ELP4: variants seen among roughly 807,000 people sequenced by gnomAD.
ELP4 encodes the protein elongator complex protein 4.
In ELP4, 51 loss-of-function variants were observed where a neutral mutation model predicts 48.9. The observed-to-expected ratio is 1.04, with a 90% CI of 0.83 to 1.32. ELP4 has a LOEUF of 1.32. Ranked by LOEUF, ELP4 falls within the 40% of genes most tolerant of loss-of-function variation. The pLI, the probability that ELP4 is intolerant of heterozygous loss-of-function variation, is 0.00. For missense variants in ELP4, 519 were observed against 514.6 expected (o/e 1.01, Z -0.08); for synonymous variants, 210 against 189.2 (o/e 1.11, Z -0.90).
intron 9 of ELP4, among the ~76,000 whole-genome samples, chr11:31,700,180 TA>T (rs1946491675): frequency 6.6e-6 from 1 of 151,948 alleles, no homozygotes; most frequent in African/African-American, 2.4e-5. Flanking sequence ...CAGAAAAGAC[TA>T]ATTATGGGTA....
chr11:31,623,385 ATATAT>A (rs879532775), intron 5 of ELP4, among the ~76,000 whole-genome samples: 10,694 of 99,480 alleles, frequency 0.11, 1,236 homozygotes, highest in Non-Finnish European at 0.16. Context: ...ATATATATAT[ATATAT>A]AAAACTAGAA....
intron 5 of ELP4, among the ~76,000 whole-genome samples, chr11:31,612,110 G>A (rs1170194364): frequency 1.3e-5 from 2 of 152,194 alleles, no homozygotes; most frequent in African/African-American, 4.8e-5. Context: ...GTGAGTTCAG[G>A]TGGCAAAGAA....
Position 31,623,382 on chromosome 11 carries a change from T to TAA in ELP4, c.654-3727_654-3726insAA, listed in dbSNP as rs1565084252. Among the ~76,000 whole-genome samples the TAA allele has an allele frequency of 4.3e-3, 398 of 92,020 alleles. 26 individuals are homozygous for TAA. The highest frequency in any genetic ancestry group is 9.6e-3 in the African/African-American group (262 of 27,270). The allele number at this position is 92,020 out of a possible 152,430, so 60.4% of individuals were successfully genotyped here. ...ATATATATATATATATATATATATATATATATATAAAACTAGAAACATTGC... is the reference window on the plus strand; with the variant it reads ...ATATATATATATATATATATATATATAAATATATATAAAACTAGAAACATTGC... On this transcript the variant is annotated intron_variant, in intron 5 of 9. Coordinates refer to ENST00000640961, the MANE Select transcript of ELP4 (RefSeq NM_019040.5).
intron 3 of ELP4, among the ~76,000 whole-genome samples, chr11:31,573,918 A>G (rs973352669): frequency 3.3e-5 from 5 of 152,048 alleles, no homozygotes; most frequent in African/African-American, 1.2e-4. Flanking sequence ...TTCTCCAAAT[A>G]CCATCTCATT....
chr11:31,509,967 G>C lies in ELP4; in HGVS notation c.183G>C (p.Leu61=), dbSNP rs919581353. The C allele has an allele frequency of 2.5e-6, 4 of 1,612,846 alleles. No individual in the cohort carries two copies. Among genetic ancestry groups the C allele is most frequent in the Non-Finnish European group, 3.4e-6 (4 of 1,180,036 alleles). Residue 61 remains leucine (L), a synonymous_variant, in exon 1 of 10, where the codon CTG becomes CTC. Transcript: ENST00000640961. The part of the protein sequence containing the change: ...GTRPSVRNGQ[L]LVSTGLPALD... ...GACCGTCGGTGCGGAATGGACAGCT[G>C]CTGGTATCAACCGGGCTCCCAGCCC... is the stretch of plus-strand genomic sequence containing the variant.
At chr11:31,553,741 C>CACAA (rs1554959821) in intron 3 of ELP4, among the ~76,000 whole-genome samples, 1 of 151,154 alleles carries the variant, frequency 6.6e-6, no homozygotes, top group Non-Finnish European at 1.5e-5. Flanking sequence ...CACACACACA[C>CACAA]ACACACACAC....
chr11:31,758,413 A>G (rs1398059717), intron 9 of ELP4, among the ~76,000 whole-genome samples: 2 of 152,238 alleles, frequency 1.3e-5, no homozygotes, highest in Non-Finnish European at 2.9e-5. Flanking sequence ...GAAATCAAAT[A>G]GATAGACTTA....
intron 3 of ELP4, among the ~76,000 whole-genome samples, chr11:31,588,914 T>C (rs991223720): frequency 6.6e-6 from 1 of 151,892 alleles, no homozygotes; most frequent in South Asian, 2.1e-4. Flanking sequence ...GCCCAGGAGG[T>C]TGAGGTTGCA....
In ELP4 at chr11:31,560,826, C is replaced by T. The variant is rs944062578; in HGVS notation, c.381+21043C>T. ...TACACAACAGTGGTCCTATAAGGTT[C>T]TAATACTGTATTTTTATGGTACCTT... On this transcript the variant is annotated intron_variant, in intron 3 of 9. Coordinates refer to ENST00000640961, the MANE Select transcript of ELP4 (RefSeq NM_019040.5). Among the ~76,000 whole-genome samples, 4 of 150,398 alleles carry T rather than the reference C, an allele frequency of 2.7e-5. No homozygotes were observed. The East Asian group carries it at 7.8e-4, about 29-fold the overall frequency.
chr11:31,693,001 G>C (rs1406426085), intron 9 of ELP4, among the ~76,000 whole-genome samples: 1 of 152,046 alleles, frequency 6.6e-6, no homozygotes, highest in Non-Finnish European at 1.5e-5. Context: ...GAGACCACAA[G>C]TGTCTTGTTT....
chr11:31,691,709 T>C lies in ELP4; in HGVS notation c.1143+41488T>C, dbSNP rs567012063. Reference sequence around the variant, plus strand: ...TAAAGGACATAGTTTATGACTGAAGTTTCTTTCTGATTTCTGAATTTAAAA... The same window carrying C: ...TAAAGGACATAGTTTATGACTGAAGCTTCTTTCTGATTTCTGAATTTAAAA... On this transcript the variant is annotated intron_variant, in intron 9 of 9. Coordinates refer to ENST00000640961, the MANE Select transcript of ELP4 (RefSeq NM_019040.5). Among the ~76,000 whole-genome samples the C allele has an allele frequency of 2.1e-3, 321 of 152,272 alleles. 1 individual carries two copies. Among genetic ancestry groups the C allele is most frequent in the South Asian group, 2.1e-3 (10 of 4,822 alleles).
chr11:31,547,226 G>C (rs1189996106), intron 3 of ELP4, among the ~76,000 whole-genome samples: 1 of 152,052 alleles, frequency 6.6e-6, no homozygotes, highest in Non-Finnish European at 1.5e-5. Context: ...CAACAAAATT[G>C]ATAGACTGCT....
At chr11:31,585,170 A>G (rs1957452822) in intron 3 of ELP4, among the ~76,000 whole-genome samples, 1 of 152,222 alleles carries the variant, frequency 6.6e-6, no homozygotes, top group African/African-American at 2.4e-5. Flanking sequence ...ATAAATGTAT[A>G]GAGTTTGTCA....
At chr11:31,531,074 A>AT (rs796757823) in intron 2 of ELP4, among the ~76,000 whole-genome samples, 17 of 152,320 alleles carry the variant, frequency 1.1e-4, no homozygotes, top group African/African-American at 4.1e-4. Context: ...GTTTCACAAA[A>AT]TTGGTAATTT....
intron 9 of ELP4, among the ~76,000 whole-genome samples, chr11:31,771,770 G>T (rs575927139): frequency 6.6e-6 from 1 of 152,278 alleles, no homozygotes; most frequent in African/African-American, 2.4e-5. Flanking sequence ...ACAAGGTCAG[G>T]AGATCAAGAC....
At chr11:31,590,164 A>C (rs1266001532) in intron 3 of ELP4, among the ~76,000 whole-genome samples, 1 of 152,214 alleles carries the variant, frequency 6.6e-6, no homozygotes, top group Non-Finnish European at 1.5e-5. Context: ...TAATAATAGT[A>C]CCTACCTCAT....
At chr11:31,746,338 C>T (rs1304751536) in intron 9 of ELP4, among the ~76,000 whole-genome samples, 2 of 152,190 alleles carry the variant, frequency 1.3e-5, no homozygotes, top group Admixed American at 6.5e-5. Context: ...GGTGATTCCT[C>T]ACGGATCTAG....
intron 9 of ELP4, among the ~76,000 whole-genome samples, chr11:31,671,878 T>C (rs189048803): frequency 1.3e-5 from 2 of 152,314 alleles, no homozygotes; most frequent in Non-Finnish European, 2.9e-5. Flanking sequence ...ACCTCTGAAG[T>C]AGCCATGTGA....
intron 9 of ELP4, among the ~76,000 whole-genome samples, chr11:31,655,584 G>T (rs1230802739): frequency 6.6e-6 from 1 of 151,968 alleles, no homozygotes; most frequent in Non-Finnish European, 1.5e-5. Flanking sequence ...GCAGGGCAAG[G>T]TTTGGAGGCC....
Sources: allele counts gnomAD v4.1 joint callset (sites outside exome capture counted in the v4.1 genomes callset), GRCh38; gene constraint gnomAD v4.1.1; transcripts MANE v1.5; gene names NCBI Gene and HGNC (gene_info 2026-07-23, HGNC 2026-07-21).